Variants in ZNRF3 observed in about 807,000 individuals in gnomAD.
The protein encoded by ZNRF3 is E3 ubiquitin-protein ligase ZNRF3.
A neutral mutation model predicts 72.5 loss-of-function variants in ZNRF3; 23 were observed. The observed-to-expected ratio is 0.32, with a 90% confidence interval of 0.23 to 0.45. ZNRF3 has a LOEUF of 0.45. Among genes scored for constraint, ZNRF3 ranks in the 20% least tolerant of loss-of-function variants. ZNRF3 has a pLI of 1.00. For missense variants in ZNRF3, 1,169 were observed against 1,272.1 expected (o/e 0.92, Z 1.23); for synonymous variants, 610 against 545.3 (o/e 1.12, Z -1.65).
At chr22:28,902,639 T>C (rs779714804) in intron 1 of ZNRF3, among the ~76,000 whole-genome samples, 25 of 152,352 alleles carry the variant, frequency 1.6e-4, no homozygotes, top group Admixed American at 7.8e-4. Context: ...GTGCTGAGTC[T>C]GGAGCCAGAC....
At chr22:28,937,135 C>T (rs7290364) in intron 1 of ZNRF3, among the ~76,000 whole-genome samples, 5,928 of 143,432 alleles carry the variant, frequency 0.041, 218 homozygotes, top group East Asian at 0.13. Context: ...CATTTGAAGA[C>T]GAAGACAGTA....
chr22:28,916,105 A>G (rs1729863738), intron 1 of ZNRF3, among the ~76,000 whole-genome samples: 1 of 152,216 alleles, frequency 6.6e-6, no homozygotes, highest in East Asian at 1.9e-4. Flanking sequence ...TCTGTTGCCC[A>G]GGCCAGAGTA....
At chr22:28,890,295 T>G (rs1318849823) in intron 1 of ZNRF3, among the ~76,000 whole-genome samples, 1 of 152,050 alleles carries the variant, frequency 6.6e-6, no homozygotes, top group Non-Finnish European at 1.5e-5. Context: ...GGTCAGGAGA[T>G]CGAGACAATC....
Position 29,053,779 on chromosome 22 carries a change from C to A in ZNRF3, c.*157C>A. The A allele has an allele frequency of 1.5e-6, 1 of 663,712 alleles. No individual in the cohort carries two copies. The highest frequency in any genetic ancestry group is 2.5e-6 in the Non-Finnish European group (1 of 403,542). 41.1% of individuals were successfully genotyped at this position (663,712 alleles called of 1,614,324 possible). A position where few individuals can be genotyped will look rare whatever the true frequency, so the allele number is the denominator to read the frequency against. ...CTTGTCAACCCAAAATGTGAGCCCC[C>A]TGTGGCAAAACCACCCCCTACCCCA... is the stretch of plus-strand genomic sequence containing the variant. On this transcript the variant is annotated 3_prime_UTR_variant, in exon 9 of 9. Coordinates refer to ENST00000544604, the MANE Select transcript of ZNRF3 (RefSeq NM_001206998.2).
chr22:29,004,897 G>A (rs1009787112), intron 2 of ZNRF3, among the ~76,000 whole-genome samples: 1 of 152,190 alleles, frequency 6.6e-6, no homozygotes, highest in African/African-American at 2.4e-5. Context: ...AGAAAGCTTC[G>A]GGAATGAAAA....
chr22:29,049,163 C>T lies in ZNRF3; in HGVS notation c.1016-34C>T. 6 of 1,559,334 alleles carry T rather than the reference C, an allele frequency of 3.8e-6. No individual in the cohort carries two copies. The highest frequency in any genetic ancestry group is 5.2e-6 in the Non-Finnish European group (6 of 1,150,458). On this transcript the variant is annotated intron_variant, in intron 7 of 8. Coordinates refer to ENST00000544604, the MANE Select transcript of ZNRF3 (RefSeq NM_001206998.2). The surrounding 1 kb of genome is among the most constrained non-coding windows in gnomAD (Gnocchi z 5.2). Reference sequence around the variant, plus strand: ...TAGCCTCTGACACCAGTATGCTCAGCCCTGCCTACTCTGTTTCCTCCACTT... The same window carrying T: ...TAGCCTCTGACACCAGTATGCTCAGTCCTGCCTACTCTGTTTCCTCCACTT...
At chr22:29,010,364 C>CCTTTTG (rs1215739899) in intron 2 of ZNRF3, among the ~76,000 whole-genome samples, 3 of 152,114 alleles carry the variant, frequency 2.0e-5, no homozygotes, top group African/African-American at 7.2e-5. Flanking sequence ...CCTTTTGTGA[C>CCTTTTG]TGGCTTCTTT....
intron 1 of ZNRF3, among the ~76,000 whole-genome samples, chr22:28,959,807 G>C (rs747070018): frequency 6.6e-6 from 1 of 152,162 alleles, no homozygotes; most frequent in Admixed American, 6.5e-5. Context: ...CAGGGAGCTT[G>C]CTCTCTCTTT....
intron 2 of ZNRF3, among the ~76,000 whole-genome samples, chr22:28,990,378 G>C (rs1173935037): frequency 6.6e-6 from 1 of 152,176 alleles, no homozygotes; most frequent in African/African-American, 2.4e-5. Context: ...ACATTTCTTA[G>C]AGTTTGCTAT....
At chr22:28,907,149 GT>G (rs3884979) in intron 1 of ZNRF3, among the ~76,000 whole-genome samples, 13 of 146,962 alleles carry the variant, frequency 8.8e-5, no homozygotes, top group African/African-American at 1.7e-4. Context: ...CGCCCGTCCA[GT>G]TTTTTTTTTT....
intron 1 of ZNRF3, among the ~76,000 whole-genome samples, chr22:28,927,200 G>C (rs1367541396): frequency 1.3e-5 from 2 of 152,134 alleles, no homozygotes; most frequent in East Asian, 3.9e-4. Context: ...CATTGGACTT[G>C]GCAAAGTCAG....
chr22:28,901,307 G>A (rs116199748), intron 1 of ZNRF3, among the ~76,000 whole-genome samples: 4,223 of 152,004 alleles, frequency 0.028, 181 homozygotes, highest in African/African-American at 0.091. Flanking sequence ...AGAGTTGTGC[G>A]GTGCATAAGG....
chr22:28,965,338 A>G (rs2035441605), intron 1 of ZNRF3, among the ~76,000 whole-genome samples: 1 of 152,236 alleles, frequency 6.6e-6, no homozygotes, highest in Admixed American at 6.5e-5. Context: ...CGTTCCAGGC[A>G]CTGTTCTGCT....
At chr22:28,962,337 C>T (rs572336793) in intron 1 of ZNRF3, among the ~76,000 whole-genome samples, 2 of 152,348 alleles carry the variant, frequency 1.3e-5, no homozygotes, top group South Asian at 4.1e-4. Context: ...TAACTTGTAA[C>T]TTCTGTGTAA....
intron 2 of ZNRF3, among the ~76,000 whole-genome samples, chr22:29,020,770 TGTGTGG>T (rs1284274920): frequency 0.039 from 2,825 of 72,140 alleles, 55 homozygotes; most frequent in Admixed American, 0.065. Flanking sequence ...TTTTTGTGTG[TGTGTGG>T]GTGTGTGTGT....
intron 1 of ZNRF3, among the ~76,000 whole-genome samples, chr22:28,980,007 G>A (rs1411667274): frequency 6.6e-6 from 1 of 152,258 alleles, no homozygotes; most frequent in East Asian, 1.9e-4. Context: ...CAGGTCTAGA[G>A]AAGGTGAAGG....
At chr22:28,949,279 A>G (rs547824318) in intron 1 of ZNRF3, among the ~76,000 whole-genome samples, 5 of 151,604 alleles carry the variant, frequency 3.3e-5, no homozygotes, top group East Asian at 1.9e-4. Flanking sequence ...CACCCAGCCT[A>G]TTTATTTATT....
chr22:28,928,976 TC>T (rs2034656677), intron 1 of ZNRF3, among the ~76,000 whole-genome samples: 1 of 152,222 alleles, frequency 6.6e-6, no homozygotes, highest in Non-Finnish European at 1.5e-5. Flanking sequence ...CAAACCAATT[TC>T]TTTTTCATCT....
At chr22:28,919,394 A>G (rs1296555919) in intron 1 of ZNRF3, among the ~76,000 whole-genome samples, 5 of 152,186 alleles carry the variant, frequency 3.3e-5, no homozygotes, top group Non-Finnish European at 1.5e-5. Flanking sequence ...TATTCCTCAT[A>G]ACATCCCTAT....
Sources: gnomAD v4.1 joint callset for allele counts (sites outside exome capture counted in the v4.1 genomes callset) on GRCh38, gnomAD v4.1.1 for gene constraint, Gnocchi (gnomAD v3.1) non-coding constraint, MANE v1.5 for transcripts, NCBI Gene and HGNC (gene_info 2026-07-23, HGNC 2026-07-21) for gene names.